FOXN3: variants seen among roughly 807,000 people sequenced by gnomAD.
The protein encoded by FOXN3 is forkhead box protein N3.
Under a neutral mutation model 38.4 loss-of-function variants are expected in FOXN3, and 7 were observed. The observed-to-expected ratio is 0.18, with a 90% CI of 0.10 to 0.34. FOXN3 has a LOEUF of 0.34. Among genes scored for constraint, FOXN3 ranks in the 10% least tolerant of loss-of-function variants. The pLI is 1.00. For synonymous variants in FOXN3, 230 were observed against 242.2 expected (o/e 0.95, Z 0.47); for missense variants, 456 against 613.4 (o/e 0.74, Z 2.71).
chr14:89,229,129 A>G (rs192928512), intron 4 of FOXN3, among the ~76,000 whole-genome samples: 15 of 152,342 alleles, frequency 9.8e-5, no homozygotes, highest in Non-Finnish European at 1.9e-4. Context: ...AGAAGGGAAC[A>G]GAGGAGTTGA....
chr14:89,504,664 T>C (rs1364045532), intron 1 of FOXN3, among the ~76,000 whole-genome samples: 1 of 152,188 alleles, frequency 6.6e-6, no homozygotes, highest in Non-Finnish European at 1.5e-5. Context: ...ATTTTAACCC[T>C]AATCAAAGCT....
At chr14:89,246,874 A>G (rs1430715475) in intron 4 of FOXN3, among the ~76,000 whole-genome samples, 1 of 152,150 alleles carries the variant, frequency 6.6e-6, no homozygotes, top group African/African-American at 2.4e-5. Flanking sequence ...AGAGAGCATG[A>G]CAAGACGGTT....
chr14:89,249,991 G>A (rs77134796), intron 4 of FOXN3, among the ~76,000 whole-genome samples: 3,278 of 152,340 alleles, frequency 0.022, 52 homozygotes, highest in Middle Eastern at 0.041. Context: ...CCTGGGCAGA[G>A]CTGAGAAGTG....
chr14:89,382,970 A>T (rs1400000231), intron 2 of FOXN3, among the ~76,000 whole-genome samples: 2 of 148,538 alleles, frequency 1.3e-5, no homozygotes, highest in Non-Finnish European at 3.0e-5. Flanking sequence ...CATTCCCTCG[A>T]TACTCTATTG....
intron 4 of FOXN3, among the ~76,000 whole-genome samples, chr14:89,189,593 G>A (rs564933452): frequency 1.6e-4 from 25 of 152,322 alleles, no homozygotes; most frequent in African/African-American, 5.8e-4. Context: ...TGTGGGCACT[G>A]GTACTGACCT....
chr14:89,472,883 A>G (rs1209379556), intron 1 of FOXN3, among the ~76,000 whole-genome samples: 2 of 152,192 alleles, frequency 1.3e-5, no homozygotes, highest in Non-Finnish European at 2.9e-5. Flanking sequence ...AATTTCCATA[A>G]CCCTTCTGTG....
chr14:89,277,296 C>T lies in FOXN3; in HGVS notation c.745+3654G>A, dbSNP rs8006241. 8.7e-3 allele frequency among the ~76,000 whole-genome samples: 1,322 copies of T among 152,274 alleles called. 11 individuals carry two copies. Among genetic ancestry groups the T allele is most frequent in the African/African-American group, 0.027 (1,137 of 41,558 alleles). On this transcript the variant is annotated intron_variant, in intron 4 of 5. Coordinates refer to ENST00000557258, the MANE Select transcript of FOXN3 (RefSeq NM_005197.4). The stretch of plus-strand genomic sequence containing the variant: ...GGTGGGGACACCTGTCAGCTGGCCA[C>T]GCCTGCAGGGCTCTGAATAAGCCAC...
At chr14:89,468,476 T>TACAC (rs925241660) in intron 1 of FOXN3, among the ~76,000 whole-genome samples, 1 of 142,108 alleles carries the variant, frequency 7.0e-6, no homozygotes, top group Non-Finnish European at 1.6e-5. Flanking sequence ...CACACACACA[T>TACAC]ACACACACAC....
At chr14:89,271,806 A>T (rs1056154468) in intron 4 of FOXN3, among the ~76,000 whole-genome samples, 7 of 152,242 alleles carry the variant, frequency 4.6e-5, no homozygotes, top group Non-Finnish European at 7.3e-5. Flanking sequence ...TAAACGTAAC[A>T]GGATTCTCCC....
chr14:89,279,266 G>A (rs1316397643), intron 4 of FOXN3, among the ~76,000 whole-genome samples: 1 of 152,106 alleles, frequency 6.6e-6, no homozygotes, highest in Non-Finnish European at 1.5e-5. Context: ...AGCAACTGGG[G>A]GAATTTGTAA....
At position 89,560,794 on chromosome 14, in the gene FOXN3, G is replaced by A. The variant is rs776967785; in HGVS notation, c.-15+58234C>T. Among the ~76,000 whole-genome samples, 3 of 152,184 alleles carry A rather than the reference G, an allele frequency of 2.0e-5. No homozygotes were observed. The East Asian group carries it at 5.8e-4, about 29-fold the overall frequency. On this transcript the variant is annotated intron_variant, in intron 1 of 6. Coordinates refer to the FOXN3 transcript ENST00000345097. ...ACACATCCACGTGGCTTGCAGAGGAGGTCACTAACATCCTCAAGGAATCTA... is the reference window on the plus strand; with the variant it reads ...ACACATCCACGTGGCTTGCAGAGGAAGTCACTAACATCCTCAAGGAATCTA...
intron 1 of FOXN3, among the ~76,000 whole-genome samples, chr14:89,478,707 G>T (rs568471636): frequency 6.6e-6 from 1 of 151,804 alleles, no homozygotes; most frequent in South Asian, 2.1e-4. Context: ...CGAGGCAGGC[G>T]GATCACTTGA....
intron 1 of FOXN3, among the ~76,000 whole-genome samples, chr14:89,552,786 G>A (rs541802475): frequency 6.6e-6 from 1 of 152,130 alleles, no homozygotes; most frequent in Non-Finnish European, 1.5e-5. Context: ...TTGAACCCAG[G>A]AGACGGAGGT....
At chr14:89,594,585 T>C (rs186403969) in intron 1 of FOXN3, among the ~76,000 whole-genome samples, 2 of 152,378 alleles carry the variant, frequency 1.3e-5, no homozygotes, top group African/African-American at 4.8e-5. Flanking sequence ...AATTGATTTG[T>C]AGGAATTCTT....
At chr14:89,404,177 AC>A (rs1369982398) in intron 2 of FOXN3, among the ~76,000 whole-genome samples, 1 of 152,164 alleles carries the variant, frequency 6.6e-6, no homozygotes, top group African/African-American at 2.4e-5. Flanking sequence ...ACACCTACTG[AC>A]TGGAAGAAGA....
intron 3 of FOXN3, among the ~76,000 whole-genome samples, chr14:89,341,993 A>G (rs1888630984): frequency 6.6e-6 from 1 of 152,220 alleles, no homozygotes; most frequent in African/African-American, 2.4e-5. Context: ...CAACACTGCA[A>G]CTTTCTTCTC....
At chr14:89,468,250 T>A (rs1893021265) in intron 1 of FOXN3, among the ~76,000 whole-genome samples, 1 of 151,874 alleles carries the variant, frequency 6.6e-6, no homozygotes, top group Non-Finnish European at 1.5e-5. Context: ...CGTCAAGAGT[T>A]CAAGACCAGC....
At chr14:89,365,661 G>A (rs536705735) in intron 2 of FOXN3, among the ~76,000 whole-genome samples, 18 of 152,244 alleles carry the variant, frequency 1.2e-4, no homozygotes, top group African/African-American at 3.6e-4. Context: ...GACATAGGCT[G>A]ACTAAAAAGG....
chr14:89,312,591 C>T (rs1294269770), intron 3 of FOXN3, among the ~76,000 whole-genome samples: 1 of 151,880 alleles, frequency 6.6e-6, no homozygotes, highest in Non-Finnish European at 1.5e-5. Context: ...ATAAATTCAG[C>T]TTCTAGGAAT....
Sources: allele counts gnomAD v4.1 joint callset (sites outside exome capture counted in the v4.1 genomes callset), GRCh38; gene constraint gnomAD v4.1.1; transcripts MANE v1.5; gene names NCBI Gene and HGNC (gene_info 2026-07-23, HGNC 2026-07-21).